VAT1L: variants seen among roughly 807,000 people sequenced by gnomAD.
VAT1L encodes vesicle amine transport 1 like, also known as putative NADPH-dependent quinone oxidoreductase VAT1L.
A neutral mutation model predicts 44.1 loss-of-function variants in VAT1L; 34 were observed. The observed-to-expected ratio is 0.77, with a 90% CI of 0.59 to 1.03. The LOEUF (loss-of-function observed/expected upper bound fraction) is 1.03. VAT1L is among the 50% of genes least tolerant of loss of function. The pLI, the probability that VAT1L is intolerant of heterozygous loss-of-function variation, is 0.00. For synonymous variants in VAT1L, 253 were observed against 202.2 expected (o/e 1.25, Z -2.13); for missense variants, 615 against 538.8 (o/e 1.14, Z -1.40).
At chr16:77,948,049 C>T (rs372314810) in intron 7 of VAT1L, among the ~76,000 whole-genome samples, 13 of 152,180 alleles carry the variant, frequency 8.5e-5, no homozygotes, top group African/African-American at 2.4e-4. Context: ...TGTGTACCAC[C>T]GCGCCCGGCC....
At chr16:77,817,098 T>C (rs776994828) in intron 2 of VAT1L, 48 bp downstream of exon 2, 1 of 1,589,644 alleles carries the variant, frequency 6.3e-7, no homozygotes, top group East Asian at 2.3e-5. Context: ...TGGAATCCAT[T>C]GAGACAACAA....
At chr16:77,880,591 A>ATTTTTTTTTTTTTTTT (rs55995217) in intron 6 of VAT1L, among the ~76,000 whole-genome samples, 1 of 54,270 alleles carries the variant, frequency 1.8e-5, no homozygotes. Context: ...GTTCCAGGGT[A>ATTTTTTTTTTTTTTTT]TTTTTTTTTT....
At chr16:77,841,528 C>T (rs766349859) in intron 3 of VAT1L, among the ~76,000 whole-genome samples, 1 of 152,174 alleles carries the variant, frequency 6.6e-6, no homozygotes, top group Non-Finnish European at 1.5e-5. Flanking sequence ...ACACTGGAAG[C>T]GTAAATTACT....
chr16:77,926,753 C>CA (rs1213343670), intron 7 of VAT1L, among the ~76,000 whole-genome samples: 20 of 152,162 alleles, frequency 1.3e-4, no homozygotes, highest in Non-Finnish European at 2.9e-4. Context: ...ATCACTGCCC[C>CA]CTCTAGAACT....
intron 3 of VAT1L, among the ~76,000 whole-genome samples, chr16:77,828,620 G>A (rs929902133): frequency 1.8e-4 from 28 of 152,068 alleles, no homozygotes; most frequent in Admixed American, 4.6e-4. Context: ...CTGAGATCGT[G>A]CCACTGCACT....
At chr16:77,839,900 C>G (rs2016687129) in intron 3 of VAT1L, among the ~76,000 whole-genome samples, 1 of 152,124 alleles carries the variant, frequency 6.6e-6, no homozygotes, top group Admixed American at 6.5e-5. Context: ...AATGTCAACC[C>G]TGAATGAGTG....
At chr16:77,804,212 G>A (rs186680930) in intron 1 of VAT1L, among the ~76,000 whole-genome samples, 2 of 152,098 alleles carry the variant, frequency 1.3e-5, no homozygotes, top group African/African-American at 2.4e-5. Flanking sequence ...TGAATGCCTT[G>A]GTCAACATCA....
At chr16:77,965,128 A>G (rs1054092153) in intron 7 of VAT1L, among the ~76,000 whole-genome samples, 2 of 152,044 alleles carry the variant, frequency 1.3e-5, no homozygotes, top group African/African-American at 4.8e-5. Context: ...AAGCCTATTT[A>G]ATAAGGGAAA....
chr16:77,891,215 G>A (rs187311121), intron 7 of VAT1L, among the ~76,000 whole-genome samples: 363 of 152,212 alleles, frequency 2.4e-3, no homozygotes, highest in African/African-American at 8.2e-3. Flanking sequence ...TTAGCCGGGC[G>A]TGATGGCAGG....
intron 3 of VAT1L, among the ~76,000 whole-genome samples, 199 bp from the exon 4 acceptor site, chr16:77,862,549 G>A (rs1408536149): frequency 6.7e-6 from 1 of 149,470 alleles, no homozygotes; most frequent in Non-Finnish European, 1.5e-5. Flanking sequence ...ACAGGAGGTA[G>A]AGGTTGCAGT....
At chr16:77,805,110 T>C (rs1597168038) in intron 1 of VAT1L, among the ~76,000 whole-genome samples, 1 of 152,142 alleles carries the variant, frequency 6.6e-6, no homozygotes, top group East Asian at 1.9e-4. Flanking sequence ...GCATACCCTT[T>C]CCAGCCTCTG....
intron 2 of VAT1L, among the ~76,000 whole-genome samples, chr16:77,823,258 G>A (rs148993915): frequency 2.6e-5 from 4 of 152,022 alleles, no homozygotes; most frequent in East Asian, 1.9e-4. Flanking sequence ...TCTTTGGACC[G>A]ATATCTGAAA....
At chr16:77,872,644 G>A (rs982852785) in intron 4 of VAT1L, among the ~76,000 whole-genome samples, 1 of 152,072 alleles carries the variant, frequency 6.6e-6, no homozygotes, top group Non-Finnish European at 1.5e-5. Flanking sequence ...CCCACCATAA[G>A]GCCTTTGCAC....
At chr16:77,819,296 C>T (rs8048132) in intron 2 of VAT1L, among the ~76,000 whole-genome samples, 43,758 of 152,042 alleles carry the variant, frequency 0.29, 7,654 homozygotes, top group Non-Finnish European at 0.39. Flanking sequence ...TTTGGGTTTT[C>T]GTGATTCTGT....
intron 3 of VAT1L, among the ~76,000 whole-genome samples, chr16:77,843,334 T>C (rs1392844212): frequency 1.3e-5 from 2 of 151,960 alleles, no homozygotes; most frequent in Non-Finnish European, 2.9e-5. Flanking sequence ...GTGGTAAGGA[T>C]GCACCAGGAT....
At chr16:77,946,279 C>CTTTTTTTGTTTTTTTTTTTTTTTTT (rs2017963820) in intron 7 of VAT1L, among the ~76,000 whole-genome samples, 1 of 70,428 alleles carries the variant, frequency 1.4e-5, no homozygotes, top group Non-Finnish European at 2.5e-5. Context: ...GTTACTTGTT[C>CTTTTTTTGTTTTTTTTTTTTTTTTT]TTTTTTTTTT....
Position 77,884,119 on chromosome 16 carries a change from G to A in VAT1L, c.883-489G>A, listed in dbSNP as rs924206403. ...ACCTGAGCGTCTCATAAGCATCAAT[G>A]TCTATTGCTTCCCATGCACTTGCAA... On this transcript the variant is annotated intron_variant, in intron 6 of 8. Coordinates refer to ENST00000302536, the MANE Select transcript of VAT1L (RefSeq NM_020927.3). This position sits in a 1 kb window ranked among gnomAD's most constrained non-coding sequence, Gnocchi z 4.5. 2.0e-5 allele frequency among the ~76,000 whole-genome samples: 3 copies of A among 152,212 alleles called. No individual in the cohort carries two copies. Among genetic ancestry groups the A allele is most frequent in the East Asian group, 3.9e-4 (2 of 5,174 alleles).
chr16:77,978,631 G>C lies in VAT1L; in HGVS notation c.*936G>C, dbSNP rs1567529143. ...TCCTTTGCAGACCATAGGTGGAAAAGTCAATGAGCATCTCCTTCCTTGCCA... is the reference window on the plus strand; with the variant it reads ...TCCTTTGCAGACCATAGGTGGAAAACTCAATGAGCATCTCCTTCCTTGCCA... On this transcript the variant is annotated 3_prime_UTR_variant, in exon 9 of 9. Transcript: ENST00000302536. 6.6e-6 allele frequency: 1 copy of C among 152,208 alleles called. No homozygotes were observed. The highest frequency in any genetic ancestry group is 1.5e-5 in the Non-Finnish European group (1 of 68,042). 9.4% of individuals were successfully genotyped at this position (152,208 alleles called of 1,614,324 possible). A position where few individuals can be genotyped will look rare whatever the true frequency, so the allele number is the denominator to read the frequency against.
chr16:77,972,383 A>G (rs1003273359), intron 8 of VAT1L, among the ~76,000 whole-genome samples: 1 of 152,026 alleles, frequency 6.6e-6, no homozygotes, highest in Non-Finnish European at 1.5e-5. Flanking sequence ...CAGTAGCACT[A>G]TCTCAACTCA....
Sources: gnomAD v4.1 joint callset for allele counts (sites outside exome capture counted in the v4.1 genomes callset) on GRCh38, gnomAD v4.1.1 for gene constraint, Gnocchi (gnomAD v3.1) non-coding constraint, MANE v1.5 for transcripts, NCBI Gene and HGNC (gene_info 2026-07-23, HGNC 2026-07-21) for gene names.